The following PERP variants were observed in gnomAD, a reference collection of about 807,000 sequenced individuals.
The protein encoded by PERP is p53 apoptosis effector related to PMP-22.
Under a neutral mutation model 20.3 loss-of-function variants are expected in PERP, and 11 were observed. That is an observed-to-expected ratio of 0.54 (90% CI 0.34 to 0.90). The LOEUF (loss-of-function observed/expected upper bound fraction) is 0.90. Ranked by LOEUF, PERP falls within the 40% of genes least tolerant of loss-of-function variation. PERP has a pLI of 0.02. For missense variants in PERP, 224 were observed against 249.4 expected, an observed-to-expected ratio of 0.90 and a Z score of 0.69; for synonymous variants, 101 against 102.0, an observed-to-expected ratio of 0.99 and a Z score of 0.06.
chr6:138,096,478 C>T lies in PERP; in HGVS notation c.231G>A (p.Ala77=), dbSNP rs772840840. 39 of 1,613,268 alleles carry T rather than the reference C, an allele frequency of 2.4e-5. No homozygotes were observed. In the East Asian group the frequency reaches 2.9e-4, roughly 12 times the overall value. Reference sequence around the variant, plus strand: ...TGAAGCCACAGAAGAGCATGGCAGCCGCTGCTCTACCCCACGCTGCAAGAA... The same window carrying T: ...TGAAGCCACAGAAGAGCATGGCAGCTGCTGCTCTACCCCACGCTGCAAGAA... ...SLMEYAWGRA[A]AAMLFCGFII... The change falls in exon 2 of 3, where the codon GCG becomes GCA. Residue 77 remains alanine, a synonymous_variant. Transcript: ENST00000421351.
At position 138,090,910 on chromosome 6, in the gene PERP, T is replaced by C. The variant is rs1250037481; in HGVS notation, c.*1132A>G. 2 of 152,554 alleles carry C rather than the reference T, an allele frequency of 1.3e-5. No individual in the cohort carries two copies. Among genetic ancestry groups the C allele is most frequent in the Non-Finnish European group, 2.9e-5 (2 of 68,024 alleles). The allele number at this position is 152,554 out of a possible 1,614,324, so 9.5% of individuals were successfully genotyped here. On this transcript the variant is annotated 3_prime_UTR_variant, in exon 3 of 3. Transcript: ENST00000421351. ...GTTTTCATTATGTAAGTCGAAATGG[T>C]AAAAAATCATAATGACCTATCCGAT... is the stretch of plus-strand genomic sequence containing the variant.
chr6:138,102,306 A>G lies in PERP; in HGVS notation c.214+4821T>C, dbSNP rs555344300. On this transcript the variant is annotated intron_variant, in intron 1 of 2. Transcript: ENST00000421351. ...GAAAACAGGAAAAGTCAATCTAAAG[A>G]CAACTAGCAGTGAATTTGGGGTCTA... 2.0e-4 allele frequency among the ~76,000 whole-genome samples: 31 copies of G among 152,344 alleles called. 1 individual carries two copies. In the South Asian group the frequency reaches 4.8e-3, roughly 23 times the overall value.
rs2114349109 is a variant in PERP at position 138,107,043 on chromosome 6, G to A, written c.214+84C>T. On this transcript the variant is annotated intron_variant, in intron 1 of 2. Transcript: ENST00000421351. The surrounding 1 kb of genome is among the most constrained non-coding windows in gnomAD (Gnocchi z 4.8). ...GCACTGGCTCCCCCGACCCTGTGAG[G>A]GCCCATCACGCGCGGCGGCTTTTGC... 7.3e-7 allele frequency: 1 copy of A among 1,371,826 alleles called. No individual in the cohort carries two copies. Among genetic ancestry groups the A allele is most frequent in the East Asian group, 2.3e-5 (1 of 42,930 alleles). The allele number at this position is 1,371,826 out of a possible 1,614,324, so 85.0% of individuals were successfully genotyped here.
At chr6:138,100,721 G>C (rs1775758634) in intron 1 of PERP, among the ~76,000 whole-genome samples, 1 of 152,110 alleles carries the variant, frequency 6.6e-6, no homozygotes, top group Non-Finnish European at 1.5e-5. Context: ...TTTTCTTAAG[G>C]GAAGACCAAT....
chr6:138,106,197 A>C (rs2114347755), intron 1 of PERP, among the ~76,000 whole-genome samples: 1 of 152,296 alleles, frequency 6.6e-6, no homozygotes, highest in Admixed American at 6.5e-5. Context: ...ATTTGGCTTT[A>C]AGGTTTTATT....
chr6:138,100,173 C>T (rs980710979), intron 1 of PERP, among the ~76,000 whole-genome samples: 4 of 152,258 alleles, frequency 2.6e-5, no homozygotes, highest in East Asian at 3.9e-4. Flanking sequence ...CCCAGCCCAC[C>T]GTTCTGTCTG....
At position 138,091,735 on chromosome 6, in the gene PERP, A is replaced by C. The variant is rs2114326873; in HGVS notation, c.*307T>G. The C allele has an allele frequency of 9.2e-6, 2 of 216,252 alleles. 1 individual carries two copies. The highest frequency in any genetic ancestry group is 1.9e-4 in the South Asian group (2 of 10,726). The allele number at this position is 216,252 out of a possible 1,614,324, so 13.4% of individuals were successfully genotyped here. On this transcript the variant is annotated 3_prime_UTR_variant, in exon 3 of 3. Transcript: ENST00000421351. ...TTGGAAACCTCATTTTTACCTTATAAAGTGTTAAGTTTCACGTGCATATTC... is the reference window on the plus strand; with the variant it reads ...TTGGAAACCTCATTTTTACCTTATACAGTGTTAAGTTTCACGTGCATATTC...
intron 1 of PERP, among the ~76,000 whole-genome samples, chr6:138,098,341 G>A (rs1235360864): frequency 4.6e-5 from 7 of 152,140 alleles, no homozygotes; most frequent in African/African-American, 1.7e-4. Flanking sequence ...AAGAGCAAGG[G>A]TGTTGGAGCT....
chr6:138,096,474 C>T lies in PERP; in HGVS notation c.235G>A (p.Ala79Thr), dbSNP rs1775695224. The T allele has an allele frequency of 6.2e-7, 1 of 1,613,468 alleles. No homozygotes were observed. Among genetic ancestry groups the T allele is most frequent in the African/African-American group, 1.3e-5 (1 of 74,908 alleles). ...ATGATGAAGCCACAGAAGAGCATGGCAGCCGCTGCTCTACCCCACGCTGCA... is the reference window on the plus strand; with the variant it reads ...ATGATGAAGCCACAGAAGAGCATGGTAGCCGCTGCTCTACCCCACGCTGCA... ...MEYAWGRAAA[A>T]MLFCGFIILV... The change falls in exon 2 of 3, where the codon GCC becomes ACC. Residue 79 changes from alanine (A) to threonine (T), a missense_variant. Transcript: ENST00000421351.
chr6:138,104,348 G>T (rs190480781), intron 1 of PERP, among the ~76,000 whole-genome samples: 2 of 152,184 alleles, frequency 1.3e-5, no homozygotes, highest in Admixed American at 6.5e-5. Context: ...AATTTAGCTG[G>T]TCAAAGAAAA....
intron 1 of PERP, among the ~76,000 whole-genome samples, chr6:138,104,441 G>GA (rs1775815692): frequency 6.6e-6 from 1 of 152,122 alleles, no homozygotes; most frequent in South Asian, 2.1e-4. Flanking sequence ...CAGTAACAGT[G>GA]AAAAATATAA....
chr6:138,096,440 A>G lies in PERP; in HGVS notation c.269T>C (p.Ile90Thr). 1 of 1,613,964 alleles carries G rather than the reference A, an allele frequency of 6.2e-7. No individual in the cohort carries two copies. Among genetic ancestry groups the G allele is most frequent in the South Asian group, 1.1e-5 (1 of 91,054 alleles). ...GGCGAAGAAGGAGAGGATGAAACAG[A>G]TCACCAGGATGATGAAGCCACAGAA... Reference protein sequence around the residue: ...MLFCGFIILVICFILSFFALC... With the variant: ...MLFCGFIILVTCFILSFFALC... The change falls in exon 2 of 3, where the codon ATC becomes ACC. Residue 90 changes from isoleucine (I) to threonine (T), a missense_variant. By Grantham distance (89) the Ile-to-Thr change is moderately conservative. Transcript: ENST00000421351.
chr6:138,095,283 A>G (rs1775662550), intron 2 of PERP, among the ~76,000 whole-genome samples: 1 of 152,250 alleles, frequency 6.6e-6, no homozygotes, highest in Non-Finnish European at 1.5e-5. Flanking sequence ...AATCAACAGA[A>G]ACTGTCAAAT....
At chr6:138,098,336 C>G (rs532781107) in intron 1 of PERP, among the ~76,000 whole-genome samples, 1 of 152,228 alleles carries the variant, frequency 6.6e-6, no homozygotes, top group South Asian at 2.1e-4. Context: ...GCAGAAAGAG[C>G]AAGGGTGTTG....
In PERP at chr6:138,107,376, G is replaced by C. The variant is rs760679455; in HGVS notation, c.-36C>G. 8.1e-6 allele frequency: 12 copies of C among 1,490,208 alleles called. No homozygotes were observed. Among genetic ancestry groups the C allele is most frequent in the Non-Finnish European group, 9.8e-6 (11 of 1,124,684 alleles). 92.3% of individuals were successfully genotyped at this position (1,490,208 alleles called of 1,614,324 possible). On this transcript the variant is annotated 5_prime_UTR_variant, in exon 1 of 3. Coordinates refer to ENST00000421351, the MANE Select transcript of PERP (RefSeq NM_022121.5). This position sits in a 1 kb window ranked among gnomAD's most constrained non-coding sequence, Gnocchi z 4.8. Reference sequence around the variant, plus strand: ...GGCGCGGGGCCGAGCGGAGCGGAGCGGAGCGGGTCGGAGGAGCGCGCGGGA... The same window carrying C: ...GGCGCGGGGCCGAGCGGAGCGGAGCCGAGCGGGTCGGAGGAGCGCGCGGGA...
At chr6:138,092,342 T>TTAG in intron 2 of PERP, 74 bp from the exon 3 acceptor site, 3 of 1,264,242 alleles carry the variant, frequency 2.4e-6, no homozygotes. Flanking sequence ...TAGCGACAGA[T>TTAG]TACCTCCTTC....
chr6:138,098,443 A>G (rs779758382), intron 1 of PERP, among the ~76,000 whole-genome samples: 10 of 152,192 alleles, frequency 6.6e-5, no homozygotes, highest in African/African-American at 1.2e-4. Flanking sequence ...CTATTCCAAG[A>G]TGATGGAAGC....
chr6:138,089,416 GTGAACA>G lies in PERP; in HGVS notation c.*2620_*2625del, dbSNP rs1309951843. 12 of 152,176 alleles carry G rather than the reference GTGAACA, an allele frequency of 7.9e-5. No individual in the cohort carries two copies. Among genetic ancestry groups the G allele is most frequent in the African/African-American group, 2.9e-4 (12 of 41,426 alleles). 9.4% of individuals were successfully genotyped at this position (152,176 alleles called of 1,614,324 possible). A position where few individuals can be genotyped will look rare whatever the true frequency, so the allele number is the denominator to read the frequency against. On this transcript the variant is annotated 3_prime_UTR_variant, in exon 3 of 3. Coordinates refer to ENST00000421351, the MANE Select transcript of PERP (RefSeq NM_022121.5). ...AGTTATTACACACAAGCTACCTTGT[GTGAACA>G]TGGAAAGACCTTGATATATTACTTC...
At chr6:138,093,685 A>T (rs1406195901) in intron 2 of PERP, among the ~76,000 whole-genome samples, 1 of 152,190 alleles carries the variant, frequency 6.6e-6, no homozygotes, top group East Asian at 1.9e-4. Context: ...TCATATATGA[A>T]GTCCTTATAA....
Sources: gnomAD v4.1 joint callset for allele counts (sites outside exome capture counted in the v4.1 genomes callset) on GRCh38, gnomAD v4.1.1 for gene constraint, Gnocchi (gnomAD v3.1) non-coding constraint, MANE v1.5 for transcripts, NCBI Gene and HGNC (gene_info 2026-07-23, HGNC 2026-07-21) for gene names.